The following HECW1 variants were observed in gnomAD, a reference collection of about 807,000 sequenced individuals.
HECW1 encodes the protein HECT, C2 and WW domain containing E3 ubiquitin protein ligase 1, also known as E3 ubiquitin-protein ligase HECW1.
A neutral mutation model predicts 182.3 loss-of-function variants in HECW1; 61 were observed. The ratio of observed to expected loss-of-function variants is 0.33; its 90% CI spans 0.27 to 0.41. HECW1 has a LOEUF of 0.41. Ranked by LOEUF, HECW1 falls within the 10% of genes least tolerant of loss-of-function variation. The pLI is 1.00. For missense variants in HECW1, 1,739 were observed against 2,108.9 expected, an observed-to-expected ratio of 0.82 and a Z score of 3.44; for synonymous variants, 859 against 832.6, an observed-to-expected ratio of 1.03 and a Z score of -0.55.
At chr7:43,212,910 A>G (rs564898882) in intron 2 of HECW1, among the ~76,000 whole-genome samples, 1 of 152,360 alleles carries the variant, frequency 6.6e-6, no homozygotes, top group South Asian at 2.1e-4. Context: ...TTTATATTAT[A>G]TGGTAGATAT....
chr7:43,265,702 G>T (rs551292231), intron 3 of HECW1, among the ~76,000 whole-genome samples: 2 of 152,228 alleles, frequency 1.3e-5, no homozygotes, highest in Non-Finnish European at 2.9e-5. Context: ...CCTGGAGTTA[G>T]CCCAAATCCT....
At chr7:43,468,844 G>A in intron 15 of HECW1, 76 bp from the exon 16 acceptor site, 2 of 1,272,442 alleles carry the variant, frequency 1.6e-6, no homozygotes, top group Non-Finnish European at 2.2e-6. Flanking sequence ...AGCAGTGTTA[G>A]GGTGCTCATA....
chr7:43,351,431 G>C (rs1814433094), intron 5 of HECW1, among the ~76,000 whole-genome samples: 1 of 152,120 alleles, frequency 6.6e-6, no homozygotes, highest in South Asian at 2.1e-4. Context: ...GAACTCTCAA[G>C]ATTATATGCC....
At chr7:43,317,292 C>T (rs1169960056) in intron 4 of HECW1, among the ~76,000 whole-genome samples, 1 of 152,208 alleles carries the variant, frequency 6.6e-6, no homozygotes, top group Admixed American at 6.5e-5. Flanking sequence ...ACTGTCTTCG[C>T]CGGTGGAGAG....
Position 43,507,242 on chromosome 7 carries a change from G to C in HECW1, c.3737G>C (p.Gly1246Ala). 6.2e-7 allele frequency: 1 copy of C among 1,613,494 alleles called. No individual in the cohort carries two copies. The highest frequency in any genetic ancestry group is 8.5e-7 in the Non-Finnish European group (1 of 1,179,554). ...CTGGAAGCCAAAGGATTTGGTCAGG[G>C]TCCGGGGAAAATTAAGTGAGTGCTC... ...RKLEAKGFGQ[G>A]PGKIKLIIRR... is the part of the protein sequence containing the mutation. The change falls in exon 22 of 30, where the codon GGT (glycine) becomes GCT (alanine). Residue 1246 changes from glycine (G) to alanine (A), a missense_variant. This residue lies in a region of HECW1 where 420 missense variants were observed against 595.7 expected (regional missense o/e 0.71). Coordinates refer to ENST00000395891, the MANE Select transcript of HECW1 (RefSeq NM_015052.5).
rs116155162 is a variant in HECW1, at chr7:43,269,605, G to A, written c.27+25673G>A. ...GATTGGAGTGCTGGAGGAAATAAAC[G>A]AATTGAAAGGCAAGACCATCCATCT... On this transcript the variant is annotated intron_variant, in intron 3 of 29. Coordinates refer to ENST00000395891, the MANE Select transcript of HECW1 (RefSeq NM_015052.5). Among the ~76,000 whole-genome samples, 1,462 of 152,292 alleles carry A rather than the reference G, an allele frequency of 9.6e-3. 13 individuals carry two copies. Among genetic ancestry groups the A allele is most frequent in the African/African-American group, 0.031 (1,296 of 41,542 alleles).
intron 23 of HECW1, among the ~76,000 whole-genome samples, chr7:43,508,467 C>A (rs2079692921): frequency 6.6e-6 from 1 of 152,152 alleles, no homozygotes; most frequent in Non-Finnish European, 1.5e-5. Flanking sequence ...CAACTTCATG[C>A]CAAACTTTTC....
chr7:43,506,330 C>T (rs993745859), intron 21 of HECW1, among the ~76,000 whole-genome samples: 1 of 152,110 alleles, frequency 6.6e-6, no homozygotes, highest in Non-Finnish European at 1.5e-5. Context: ...TAGTCTAGTT[C>T]AGCTTATGTT....
intron 2 of HECW1, among the ~76,000 whole-genome samples, chr7:43,130,285 A>G (rs1428280719): frequency 6.6e-6 from 1 of 152,236 alleles, no homozygotes; most frequent in Non-Finnish European, 1.5e-5. Context: ...TTGCATATAC[A>G]CAATGAGGTA....
intron 5 of HECW1, among the ~76,000 whole-genome samples, chr7:43,324,490 G>T (rs755239791): frequency 6.6e-6 from 1 of 152,158 alleles, no homozygotes; most frequent in Non-Finnish European, 1.5e-5. Flanking sequence ...AAATTAACAA[G>T]TAGGGAGAGA....
intron 2 of HECW1, among the ~76,000 whole-genome samples, chr7:43,136,525 C>A (rs538504696): frequency 1.3e-5 from 2 of 152,284 alleles, no homozygotes; most frequent in East Asian, 3.9e-4. Context: ...GGAAGGAGAG[C>A]TGGCAAAAAC....
At chr7:43,259,491 G>A (rs1800952931) in intron 3 of HECW1, among the ~76,000 whole-genome samples, 1 of 152,014 alleles carries the variant, frequency 6.6e-6, no homozygotes, top group South Asian at 2.1e-4. Flanking sequence ...ACAGAAGCAG[G>A]CCCACAGATG....
chr7:43,125,515 G>A (rs992429137), intron 2 of HECW1, among the ~76,000 whole-genome samples: 2 of 151,984 alleles, frequency 1.3e-5, no homozygotes, highest in Non-Finnish European at 2.9e-5. Context: ...CCAGCATTTT[G>A]GGAGGTCAAG....
chr7:43,290,019 A>G (rs997080767), intron 3 of HECW1, among the ~76,000 whole-genome samples: 1 of 152,252 alleles, frequency 6.6e-6, no homozygotes, highest in East Asian at 1.9e-4. Flanking sequence ...TTTGTTATGT[A>G]GATGAAGCCT....
intron 2 of HECW1, among the ~76,000 whole-genome samples, chr7:43,216,128 T>TTTTG (rs368523352): frequency 3.9e-5 from 6 of 151,992 alleles, no homozygotes; most frequent in Admixed American, 6.6e-5. Flanking sequence ...TGAAGCAGGT[T>TTTTG]TTTGTTTGTT....
chr7:43,153,543 G>C (rs1789570941), intron 2 of HECW1, among the ~76,000 whole-genome samples: 1 of 152,186 alleles, frequency 6.6e-6, no homozygotes, highest in Admixed American at 6.5e-5. Context: ...GAGCCCTCTT[G>C]TCAGCATCTG....
At chr7:43,181,498 G>A (rs182909220) in intron 2 of HECW1, among the ~76,000 whole-genome samples, 18 of 150,950 alleles carry the variant, frequency 1.2e-4, no homozygotes, top group Non-Finnish European at 2.6e-4. Context: ...CACCCCACCA[G>A]CACTTGTTTT....
chr7:43,351,344 C>T (rs943742940), intron 5 of HECW1, among the ~76,000 whole-genome samples: 19 of 152,146 alleles, frequency 1.2e-4, no homozygotes, highest in Admixed American at 9.8e-4. Context: ...TGGTTGGCCT[C>T]CTACCAGGAG....
chr7:43,272,656 T>C (rs1325381944), intron 3 of HECW1, among the ~76,000 whole-genome samples: 3 of 152,094 alleles, frequency 2.0e-5, no homozygotes, highest in Admixed American at 6.6e-5. Flanking sequence ...ATGGCTATTA[T>C]TAGGGTCAAA....
Sources: gnomAD v4.1 joint callset for allele counts (sites outside exome capture counted in the v4.1 genomes callset) on GRCh38, gnomAD v4.1.1 for gene constraint, gnomAD v4.1.1 regional missense constraint, MANE v1.5 for transcripts, NCBI Gene and HGNC (gene_info 2026-07-23, HGNC 2026-07-21) for gene names.